PAX6: variants seen among roughly 807,000 people sequenced by gnomAD.
The protein encoded by PAX6 is paired box 6.
In PAX6, 7 loss-of-function variants were observed where a neutral mutation model predicts 60.7. That is an observed-to-expected ratio of 0.12 (90% confidence interval 0.07 to 0.22). The LOEUF (loss-of-function observed/expected upper bound fraction) is 0.22, where lower values mean the gene tolerates loss of function less well. Ranked by LOEUF, PAX6 falls within the 10% of genes least tolerant of loss-of-function variation. PAX6 has a pLI of 1.00. For missense variants in PAX6, 355 were observed against 555.2 expected, an observed-to-expected ratio of 0.64 and a Z score of 3.62; for synonymous variants, 208 against 201.2, an observed-to-expected ratio of 1.03 and a Z score of -0.29.
At chr11:31,805,550 A>G (rs1327087740) in intron 4 of PAX6, 1 of 152,566 alleles carries the variant, frequency 6.6e-6, no homozygotes, top group Non-Finnish European at 1.5e-5. Context: ...GTGTGCCTCA[A>G]CCGTAACCTC....
upstream of PAX6, among the ~76,000 whole-genome samples, chr11:31,813,393 G>GT (rs1303660159): frequency 7.6e-5 from 8 of 104,958 alleles, no homozygotes; most frequent in Non-Finnish European, 1.5e-4. Flanking sequence ...GGGGGGCGGG[G>GT]GGGGGGGAAG....
chr11:31,811,137 A>C lies in PAX6; in HGVS notation c.-339T>G, dbSNP rs1956975673. On this transcript the variant is annotated 5_prime_UTR_variant, in exon 1 of 14. Transcript: ENST00000640368. ...CACCTATGCTGATTGGTGATGGCTC[A>C]AGTGTGTTAATGTGTGTGTGCCGGC... 1 of 399,104 alleles carries C rather than the reference A, an allele frequency of 2.5e-6. No homozygotes were observed. Among genetic ancestry groups the C allele is most frequent in the African/African-American group, 2.1e-5 (1 of 48,646 alleles). 24.7% of individuals were successfully genotyped at this position (399,104 alleles called of 1,614,324 possible). A position where few individuals can be genotyped will look rare whatever the true frequency, so the allele number is the denominator to read the frequency against.
chr11:31,802,687 G>C lies in PAX6; in HGVS notation c.141+17C>G. 1.2e-6 allele frequency: 2 copies of C among 1,606,518 alleles called. No individual in the cohort carries two copies. The highest frequency in any genetic ancestry group is 1.7e-6 in the Non-Finnish European group (2 of 1,176,058). On this transcript the variant is annotated intron_variant, in intron 5 of 13. Coordinates refer to ENST00000640368, the MANE Select transcript of PAX6 (RefSeq NM_001368894.2). ...GGGCCGCGGGGGCGGCGAGTGGGGCGGCGCCGGGAGGATCACCTGCAGAAT... is the reference window on the plus strand; with the variant it reads ...GGGCCGCGGGGGCGGCGAGTGGGGCCGCGCCGGGAGGATCACCTGCAGAAT...
At chr11:31,812,450 C>T (rs1211237483), upstream of PAX6, 6 of 152,648 alleles carry the variant, frequency 3.9e-5, no homozygotes, top group Admixed American at 3.3e-4. Flanking sequence ...CTGCTCAGTC[C>T]ACGGAGGCAG....
upstream of PAX6, among the ~76,000 whole-genome samples, chr11:31,815,479 C>G (rs73470365): frequency 0.026 from 3,939 of 152,112 alleles, 163 homozygotes; most frequent in African/African-American, 0.09. Context: ...GACCTGGGAA[C>G]AGGCAGGCGG....
At position 31,806,413 on chromosome 11, in the gene PAX6, C is replaced by A; in HGVS notation, c.-2G>T. ...CCAGAGGCACTTACTGTTCTGCATG[C>A]TGGCTCTGGCTGGGGGCCGCGGGAT... On this transcript the variant is annotated 5_prime_UTR_variant, in exon 4 of 14. Coordinates refer to ENST00000640368, the MANE Select transcript of PAX6 (RefSeq NM_001368894.2). 1.2e-6 allele frequency: 2 copies of A among 1,609,814 alleles called. No individual in the cohort carries two copies. Among genetic ancestry groups the A allele is most frequent in the Non-Finnish European group, 1.7e-6 (2 of 1,178,230 alleles).
At chr11:31,809,928 A>T (rs1359960165) in intron 2 of PAX6, 1 of 152,472 alleles carries the variant, frequency 6.6e-6, no homozygotes, top group East Asian at 1.9e-4. Context: ...GCCGGAGAAC[A>T]GGGAAGAGCC....
At chr11:31,814,906 C>G (rs61038874), upstream of PAX6, 3,939 of 155,608 alleles carry the variant, frequency 0.025, 161 homozygotes, top group African/African-American at 0.09. Context: ...CTCGCCCTTC[C>G]TCGCCTCCTG....
At chr11:31,795,204 A>G (rs1951144666) in intron 8 of PAX6, among the ~76,000 whole-genome samples, 1 of 152,268 alleles carries the variant, frequency 6.6e-6, no homozygotes, top group Non-Finnish European at 1.5e-5. Flanking sequence ...ATTCCTATCT[A>G]ATCAATTAGA....
rs200916868 is a variant in PAX6 at position 31,794,077 on chromosome 11, T to A, written c.762A>T (p.Arg254=). 1 of 1,612,306 alleles carries A rather than the reference T, an allele frequency of 6.2e-7. No individual in the cohort carries two copies. Among genetic ancestry groups the A allele is most frequent in the Admixed American group, 1.7e-5 (1 of 60,012 alleles). The change falls in exon 10 of 14, where the codon CGA becomes CGT. Residue 254 remains arginine, a synonymous_variant. Coordinates refer to ENST00000640368, the MANE Select transcript of PAX6 (RefSeq NM_001368894.2). ...ERTHYPDVFA[R]ERLAAKIDLP... ...GATCTATTTTGGCTGCTAGTCTTTC[T>A]CGGGCAAACACATCTGGATAATGGG...
chr11:31,789,674 C>A lies in PAX6; in HGVS notation c.*260G>T. 1 of 701,466 alleles carries A rather than the reference C, an allele frequency of 1.4e-6. No homozygotes were observed. The highest frequency in any genetic ancestry group is 2.3e-4 in the Middle Eastern group (1 of 4,350). The allele number at this position is 701,466 out of a possible 1,614,324, so 43.5% of individuals were successfully genotyped here. ...ATTATAACATACAAATGCCCATTTA[C>A]AAATAATACACCAAAATGAATAAAA... is the stretch of plus-strand genomic sequence containing the variant. On this transcript the variant is annotated 3_prime_UTR_variant, in exon 14 of 14. Transcript: ENST00000640368.
At chr11:31,813,704 A>G (rs1225706310), upstream of PAX6, among the ~76,000 whole-genome samples, 2 of 152,142 alleles carry the variant, frequency 1.3e-5, no homozygotes, top group African/African-American at 4.8e-5. Context: ...CCTCCGCACA[A>G]ACAAAAAACA....
Position 31,789,458 on chromosome 11 carries a change from G to A in PAX6, c.*476C>T. ...GTTCCAGGTTTAATTATATGCAAAG[G>A]AATGATACAAACTTGGAACATCAGT... On this transcript the variant is annotated 3_prime_UTR_variant, in exon 14 of 14. Transcript: ENST00000640368. 3 of 467,740 alleles carry A rather than the reference G, an allele frequency of 6.4e-6. 1 individual carries two copies. The highest frequency in any genetic ancestry group is 3.7e-6 in the Non-Finnish European group (1 of 267,726). The allele number at this position is 467,740 out of a possible 1,614,324, so 29.0% of individuals were successfully genotyped here.
Position 31,811,184 on chromosome 11 carries a change from T to G in PAX6, c.-386A>C. 2.5e-6 allele frequency: 1 copy of G among 399,380 alleles called. No individual in the cohort carries two copies. The highest frequency in any genetic ancestry group is 2.1e-5 in the African/African-American group (1 of 48,762). 24.7% of individuals were successfully genotyped at this position (399,380 alleles called of 1,614,324 possible). On this transcript the variant is annotated 5_prime_UTR_variant, in exon 1 of 14. Coordinates refer to ENST00000640368, the MANE Select transcript of PAX6 (RefSeq NM_001368894.2). ...CGGCGCCCGGCCTCGCCTCCACCGCTCCTCACTGGCCCATTAGCGAAGCCT... is the reference window on the plus strand; with the variant it reads ...CGGCGCCCGGCCTCGCCTCCACCGCGCCTCACTGGCCCATTAGCGAAGCCT...
Position 31,789,628 on chromosome 11 carries a change from G to A in PAX6, c.*306C>T, listed in dbSNP as rs1188985014. 1 of 689,514 alleles carries A rather than the reference G, an allele frequency of 1.5e-6. No homozygotes were observed. The highest frequency in any genetic ancestry group is 2.7e-5 in the East Asian group (1 of 37,126). The allele number at this position is 689,514 out of a possible 1,614,324, so 42.7% of individuals were successfully genotyped here. On this transcript the variant is annotated 3_prime_UTR_variant, in exon 14 of 14. Coordinates refer to ENST00000640368, the MANE Select transcript of PAX6 (RefSeq NM_001368894.2). ...CCAACACAGATCAAACATCCATCCA[G>A]TCTACATTGTTCTTTTTTTCATTAT...
intron 4 of PAX6, chr11:31,804,315 C>G (rs1204000190): frequency 2.6e-5 from 4 of 152,240 alleles, no homozygotes; most frequent in African/African-American, 9.6e-5. Context: ...TCACGACAAA[C>G]GGGACCGTGA....
intron 4 of PAX6, chr11:31,803,736 G>A (rs1046363371): frequency 9.8e-5 from 15 of 152,682 alleles, no homozygotes; most frequent in African/African-American, 2.9e-4. Context: ...CCTTAGCCAA[G>A]GATAGATATT....
rs1949018611 is a variant in PAX6 at position 31,789,174 on chromosome 11, A to G, written c.*760T>C. On this transcript the variant is annotated 3_prime_UTR_variant, in exon 14 of 14. Coordinates refer to ENST00000640368, the MANE Select transcript of PAX6 (RefSeq NM_001368894.2). ...AACGTATGATTGCATGAAAATGTGT[A>G]TAAAACATCTATATTCTTGTCAAAT... 4.9e-6 allele frequency: 1 copy of G among 205,884 alleles called. No homozygotes were observed. The highest frequency in any genetic ancestry group is 1.9e-4 in the South Asian group (1 of 5,318). 12.8% of individuals were successfully genotyped at this position (205,884 alleles called of 1,614,324 possible). A position where few individuals can be genotyped will look rare whatever the true frequency, so the allele number is the denominator to read the frequency against.
At chr11:31,791,431 C>G (rs1240723221) in intron 12 of PAX6, 1 of 168,742 alleles carries the variant, frequency 5.9e-6, no homozygotes, top group Non-Finnish European at 1.3e-5. Flanking sequence ...TAACGACCTC[C>G]ATCCTGAGAA....
Sources: gnomAD v4.1 joint callset for allele counts (sites outside exome capture counted in the v4.1 genomes callset) on GRCh38, gnomAD v4.1.1 for gene constraint, MANE v1.5 for transcripts, NCBI Gene and HGNC (gene_info 2026-07-23, HGNC 2026-07-21) for gene names.